MLLT3: variants seen among roughly 807,000 people sequenced by gnomAD.
MLLT3 encodes MLLT3 super elongation complex subunit, also known as protein AF-9.
Under a neutral mutation model 53.2 loss-of-function variants are expected in MLLT3, and 4 were observed. The observed-to-expected ratio is 0.08, with a 90% CI of 0.04 to 0.17. The LOEUF (loss-of-function observed/expected upper bound fraction) is 0.17, where lower values mean the gene tolerates loss of function less well. MLLT3 is among the 10% of genes least tolerant of loss of function. The pLI is 1.00. For synonymous variants in MLLT3, 283 were observed against 230.6 expected, an observed-to-expected ratio of 1.23 and a Z score of -2.06; for missense variants, 569 against 684.0, an observed-to-expected ratio of 0.83 and a Z score of 1.87.
In MLLT3 at chr9:20,369,364, C is replaced by T. The variant is rs370192109; in HGVS notation, c.1126-3620G>A. ...TCTGCCTTTCTTCCTTAAACACACA[C>T]ACAAAAACACATTTTTGAAAGAATT... On this transcript the variant is annotated intron_variant, in intron 5 of 10. Coordinates refer to ENST00000380338, the MANE Select transcript of MLLT3 (RefSeq NM_004529.4). 4.6e-5 allele frequency among the ~76,000 whole-genome samples: 7 copies of T among 152,272 alleles called. No homozygotes were observed. In the East Asian group the frequency reaches 5.8e-4, roughly 13 times the overall value.
chr9:20,420,674 A>G (rs866540458), intron 4 of MLLT3, among the ~76,000 whole-genome samples: 1 of 152,184 alleles, frequency 6.6e-6, no homozygotes, highest in Admixed American at 6.6e-5. Context: ...CGCTCATTTA[A>G]TAATTATACG....
At chr9:20,557,153 C>T (rs556340743) in intron 2 of MLLT3, among the ~76,000 whole-genome samples, 5 of 152,222 alleles carry the variant, frequency 3.3e-5, no homozygotes, top group Admixed American at 2.6e-4. Flanking sequence ...GTTCATACCA[C>T]CAAGAAAACA....
chr9:20,449,264 T>G (rs1823782840), intron 3 of MLLT3, among the ~76,000 whole-genome samples: 1 of 152,202 alleles, frequency 6.6e-6, no homozygotes, highest in African/African-American at 2.4e-5. Flanking sequence ...CCTCAAAGAC[T>G]AGTTTATGCC....
At chr9:20,484,624 T>C (rs1165194156) in intron 2 of MLLT3, among the ~76,000 whole-genome samples, 1 of 152,178 alleles carries the variant, frequency 6.6e-6, no homozygotes, top group Non-Finnish European at 1.5e-5. Context: ...TTTCTCTGCA[T>C]CTTCCTCCTA....
chr9:20,372,841 G>A (rs932982082), intron 5 of MLLT3, among the ~76,000 whole-genome samples: 3 of 152,072 alleles, frequency 2.0e-5, no homozygotes, highest in African/African-American at 7.2e-5. Context: ...CAAGAAAATT[G>A]TAAGCATTTC....
chr9:20,402,401 T>C (rs1230994929), intron 5 of MLLT3, among the ~76,000 whole-genome samples: 1 of 152,140 alleles, frequency 6.6e-6, no homozygotes, highest in East Asian at 1.9e-4. Flanking sequence ...GGGAGGTATG[T>C]TTGGTCTGAA....
chr9:20,620,253 ACACACAC>A lies in MLLT3; in HGVS notation c.193+394_193+400del, dbSNP rs1291012525. On this transcript the variant is annotated intron_variant, in intron 2 of 10. Coordinates refer to ENST00000380338, the MANE Select transcript of MLLT3 (RefSeq NM_004529.4). This position sits in a 1 kb window ranked among gnomAD's most constrained non-coding sequence, Gnocchi z 6.1. ...GGTAAATCTTAATTTCTCTAGGAAA[ACACACAC>A]ACACACACACACACACACACACACA... is the stretch of plus-strand genomic sequence containing the variant. 2.0e-4 allele frequency among the ~76,000 whole-genome samples: 1 copy of A among 5,102 alleles called. No individual in the cohort carries two copies. The highest frequency in any genetic ancestry group is 8.0e-4 in the African/African-American group (1 of 1,248). The allele number at this position is 5,102 out of a possible 152,430, so 3.3% of individuals were successfully genotyped here. A position where few individuals can be genotyped will look rare whatever the true frequency, so the allele number is the denominator to read the frequency against.
chr9:20,530,590 C>A (rs1818306547), intron 2 of MLLT3, among the ~76,000 whole-genome samples: 1 of 152,146 alleles, frequency 6.6e-6, no homozygotes, highest in Non-Finnish European at 1.5e-5. Context: ...ATGTCTTGTT[C>A]TCTGGTAAAT....
chr9:20,382,401 G>C (rs1340878890), intron 5 of MLLT3: 2 of 151,948 alleles, frequency 1.3e-5, no homozygotes, highest in African/African-American at 2.4e-5. Context: ...AGAAAACGGT[G>C]TAGCCCTCAG....
At chr9:20,419,656 C>A (rs1452071731) in intron 4 of MLLT3, among the ~76,000 whole-genome samples, 1 of 151,984 alleles carries the variant, frequency 6.6e-6, no homozygotes, top group African/African-American at 2.4e-5. Context: ...AGAACAGTAA[C>A]ATCCAGACAG....
At chr9:20,418,990 T>C (rs372769191) in intron 4 of MLLT3, among the ~76,000 whole-genome samples, 2 of 152,126 alleles carry the variant, frequency 1.3e-5, no homozygotes, top group Admixed American at 6.5e-5. Flanking sequence ...TCATCACTTA[T>C]AGAATTACAA....
intron 2 of MLLT3, among the ~76,000 whole-genome samples, chr9:20,556,118 T>A (rs1472485191): frequency 6.6e-6 from 1 of 152,216 alleles, no homozygotes; most frequent in African/African-American, 2.4e-5. Flanking sequence ...TTATAAAGAA[T>A]AAAACACCTG....
intron 5 of MLLT3, among the ~76,000 whole-genome samples, chr9:20,385,103 T>TA (rs1215424197): frequency 6.6e-6 from 1 of 152,144 alleles, no homozygotes; most frequent in Non-Finnish European, 1.5e-5. Context: ...AGGTACTTAA[T>TA]AAAAATCTCT....
intron 3 of MLLT3, among the ~76,000 whole-genome samples, chr9:20,454,696 G>A (rs990925976): frequency 1.3e-5 from 2 of 152,182 alleles, no homozygotes; most frequent in African/African-American, 2.4e-5. Context: ...TGGCTATGAG[G>A]ATGTGACAAG....
chr9:20,598,885 T>C (rs1387914961), intron 2 of MLLT3, among the ~76,000 whole-genome samples: 1 of 152,232 alleles, frequency 6.6e-6, no homozygotes, highest in Non-Finnish European at 1.5e-5. Flanking sequence ...TCAAACCCTA[T>C]TCTGCTGCTT....
chr9:20,509,063 G>A lies in MLLT3; in HGVS notation c.194-52277C>T, dbSNP rs576474581. 2.4e-4 allele frequency among the ~76,000 whole-genome samples: 37 copies of A among 152,296 alleles called. No individual in the cohort carries two copies. In the South Asian group the frequency reaches 7.7e-3, roughly 32 times the overall value. ...GTCTCTGTTCTTTTCATGCAAGAGA[G>A]GTATCTATTGTCCTAGGCTTCATAT... On this transcript the variant is annotated intron_variant, in intron 2 of 10. Coordinates refer to ENST00000380338, the MANE Select transcript of MLLT3 (RefSeq NM_004529.4).
chr9:20,539,248 G>A (rs570535322), intron 2 of MLLT3, among the ~76,000 whole-genome samples: 25 of 152,192 alleles, frequency 1.6e-4, no homozygotes, highest in Admixed American at 3.3e-4. Flanking sequence ...GGAGTCAATC[G>A]TCTCAAACCT....
intron 2 of MLLT3, among the ~76,000 whole-genome samples, chr9:20,527,619 C>A (rs1023028047): frequency 2.6e-5 from 4 of 152,172 alleles, no homozygotes; most frequent in African/African-American, 9.7e-5. Context: ...CAGTCTGTAT[C>A]TCAACAAGCA....
At chr9:20,596,300 T>C (rs1462774861) in intron 2 of MLLT3, among the ~76,000 whole-genome samples, 2 of 152,198 alleles carry the variant, frequency 1.3e-5, no homozygotes, top group Non-Finnish European at 1.5e-5. Flanking sequence ...CCAGGAAAAC[T>C]ATGGCATTTA....
Sources: allele counts gnomAD v4.1 joint callset (sites outside exome capture counted in the v4.1 genomes callset), GRCh38; gene constraint gnomAD v4.1.1; non-coding constraint Gnocchi (gnomAD v3.1); transcripts MANE v1.5; gene names NCBI Gene and HGNC (gene_info 2026-07-23, HGNC 2026-07-21).